SLCO3A1: variants seen among roughly 807,000 people sequenced by gnomAD.
The protein encoded by SLCO3A1 is PGE1 transporter.
SLCO3A1 carries 27 observed loss-of-function variants against 63.1 expected under a neutral mutation model. That is an observed-to-expected ratio of 0.43 (90% CI 0.32 to 0.59). SLCO3A1 has a LOEUF of 0.59. Ranked by LOEUF, SLCO3A1 falls within the 20% of genes least tolerant of loss-of-function variation. The probability of loss-of-function intolerance (pLI) is 0.09; values close to 1 mark genes in which losing one functional copy is unlikely to be tolerated. For synonymous variants in SLCO3A1, 473 were observed against 409.9 expected (o/e 1.15, Z -1.86); for missense variants, 773 against 945.8 (o/e 0.82, Z 2.40).
rs144814664 is a variant in SLCO3A1 at position 92,159,491 on chromosome 15, A to G, written c.1754-3265A>G. Among the ~76,000 whole-genome samples, 994 of 152,176 alleles carry G rather than the reference A, an allele frequency of 6.5e-3. 17 individuals are homozygous for G. Among genetic ancestry groups the G allele is most frequent in the African/African-American group, 0.023 (954 of 41,484 alleles). The stretch of plus-strand genomic sequence containing the variant: ...AGAACGAAACTCTGTCTCAAAAAAA[A>G]AAAAAATTTATTTCATCTCTACCAC... On this transcript the variant is annotated intron_variant, in intron 9 of 9. Coordinates refer to ENST00000318445, the MANE Select transcript of SLCO3A1 (RefSeq NM_013272.4).
chr15:92,048,249 G>A (rs762185834), intron 2 of SLCO3A1, among the ~76,000 whole-genome samples: 11 of 152,018 alleles, frequency 7.2e-5, no homozygotes, highest in Non-Finnish European at 1.2e-4. Context: ...TCAGTCCAGG[G>A]ACCTGGCACC....
intron 9 of SLCO3A1, among the ~76,000 whole-genome samples, chr15:92,159,034 A>T (rs557623550): frequency 1.3e-5 from 2 of 152,316 alleles, no homozygotes; most frequent in East Asian, 3.9e-4. Flanking sequence ...TTGCATGGCA[A>T]GATCAGACCC....
intron 2 of SLCO3A1, among the ~76,000 whole-genome samples, chr15:91,969,205 T>G (rs1900768597): frequency 6.6e-6 from 1 of 152,154 alleles, no homozygotes; most frequent in Non-Finnish European, 1.5e-5. Flanking sequence ...AATAAATCAT[T>G]TTTTGGGGTA....
rs150938265 is a variant in SLCO3A1, at chr15:92,115,250, C to T, written c.1010-5215C>T. 6.6e-5 allele frequency among the ~76,000 whole-genome samples: 10 copies of T among 152,240 alleles called. No individual in the cohort carries two copies. In the South Asian group the frequency reaches 1.2e-3, roughly 19 times the overall value. ...TCCTGACCTGGCCTGCTGCCTGGCCCTCTGGAGGTAGGAGCTCTTCTTGAC... is the reference window on the plus strand; with the variant it reads ...TCCTGACCTGGCCTGCTGCCTGGCCTTCTGGAGGTAGGAGCTCTTCTTGAC... On this transcript the variant is annotated intron_variant, in intron 4 of 9. Transcript: ENST00000318445.
rs2048460155 is a variant in SLCO3A1 at position 92,163,042 on chromosome 15, G to A, written c.2040G>A (p.Arg680=). 6.3e-7 allele frequency: 1 copy of A among 1,592,500 alleles called. No homozygotes were observed. Among genetic ancestry groups the A allele is most frequent in the Non-Finnish European group, 8.6e-7 (1 of 1,169,138 alleles). ...CTCTGACCCTAGACAACCTGGGGAG[G>A]GACCCTGTGCCCGCAAACCAGACAC... ...ASTLTLDNLG[R]DPVPANQTHR... Residue 680 remains arginine (R), a synonymous_variant, in exon 10 of 10, where the codon AGG becomes AGA. Coordinates refer to ENST00000318445, the MANE Select transcript of SLCO3A1 (RefSeq NM_013272.4).
intron 2 of SLCO3A1, among the ~76,000 whole-genome samples, chr15:92,035,108 C>T (rs2046708376): frequency 6.6e-6 from 1 of 151,788 alleles, no homozygotes; most frequent in Non-Finnish European, 1.5e-5. Context: ...TGGGTAGTTA[C>T]TCCAGTGGCC....
At chr15:92,110,435 GT>G (rs1195188392) in intron 4 of SLCO3A1, among the ~76,000 whole-genome samples, 5 of 152,082 alleles carry the variant, frequency 3.3e-5, no homozygotes, top group African/African-American at 1.2e-4. Context: ...TGGTCTCTGA[GT>G]CCCTCCAAAC....
intron 4 of SLCO3A1, among the ~76,000 whole-genome samples, chr15:92,119,546 C>T (rs1555434114): frequency 6.6e-6 from 1 of 152,120 alleles, no homozygotes; most frequent in Non-Finnish European, 1.5e-5. Context: ...CAGCAAAGAT[C>T]TACAGGCAGA....
chr15:91,921,723 C>CTTTT (rs10708454), intron 2 of SLCO3A1, among the ~76,000 whole-genome samples: 1 of 144,970 alleles, frequency 6.9e-6, no homozygotes. Context: ...TCAGATTTCT[C>CTTTT]TTTTTTTTTT....
intron 2 of SLCO3A1, among the ~76,000 whole-genome samples, chr15:91,976,312 C>T (rs1002492308): frequency 7.2e-5 from 11 of 152,136 alleles, no homozygotes; most frequent in African/African-American, 2.7e-4. Flanking sequence ...AATGACACTT[C>T]AGATATTTTG....
chr15:92,007,842 G>A (rs763619941), intron 2 of SLCO3A1, among the ~76,000 whole-genome samples: 7 of 152,120 alleles, frequency 4.6e-5, no homozygotes, highest in Non-Finnish European at 8.8e-5. Flanking sequence ...AAGGAAGAGC[G>A]ATCCAAGCTC....
rs542125497 is a variant in SLCO3A1 at position 92,015,079 on chromosome 15, ATTTC to A, written c.647-79800_647-79797del. On this transcript the variant is annotated intron_variant, in intron 2 of 9. Transcript: ENST00000318445. Reference sequence around the variant, plus strand: ...AATACTGGGAAGCAGGGGCACCACCATTTCTAGTTTCAGGTGGGAGAGCTCTTTG... The same window carrying A: ...AATACTGGGAAGCAGGGGCACCACCATAGTTTCAGGTGGGAGAGCTCTTTG... Among the ~76,000 whole-genome samples the A allele has an allele frequency of 2.9e-3, 448 of 152,286 alleles. 1 individual carries two copies. The highest frequency in any genetic ancestry group is 5.0e-3 in the Non-Finnish European group (338 of 68,012).
chr15:91,989,693 G>A (rs72755622), intron 2 of SLCO3A1, among the ~76,000 whole-genome samples: 5,768 of 152,232 alleles, frequency 0.038, 173 homozygotes, highest in Non-Finnish European at 0.052. Flanking sequence ...TAATCATTTC[G>A]TGGAAGAACC....
chr15:92,147,252 T>C, intron 8 of SLCO3A1, 93 bp downstream of exon 8: 1 of 1,315,420 alleles, frequency 7.6e-7, no homozygotes, highest in Non-Finnish European at 1.0e-6. Context: ...AACAGGAATC[T>C]CTCGAACCAG....
chr15:92,001,120 A>C (rs2046249572), intron 2 of SLCO3A1, among the ~76,000 whole-genome samples: 1 of 151,878 alleles, frequency 6.6e-6, no homozygotes, highest in South Asian at 2.1e-4. Flanking sequence ...TGCCTAATCA[A>C]AAAAGAAAAA....
chr15:91,889,116 G>A (rs1897804870), intron 1 of SLCO3A1: 2 of 1,252,510 alleles, frequency 1.6e-6, no homozygotes, highest in Non-Finnish European at 2.1e-6. Flanking sequence ...ATATATTCCA[G>A]CTAAGTGGAC....
chr15:91,996,316 C>T (rs1313041882), intron 2 of SLCO3A1, among the ~76,000 whole-genome samples: 1 of 152,018 alleles, frequency 6.6e-6, no homozygotes, highest in African/African-American at 2.4e-5. Flanking sequence ...GAATATTATA[C>T]AGCTCTATTG....
chr15:92,048,784 G>A (rs577299441), intron 2 of SLCO3A1, among the ~76,000 whole-genome samples: 1 of 152,168 alleles, frequency 6.6e-6, no homozygotes, highest in Admixed American at 6.5e-5. Context: ...TGTAATCCCA[G>A]CTCCTCGGGA....
chr15:92,141,565 G>A (rs2048132372), intron 7 of SLCO3A1, among the ~76,000 whole-genome samples: 1 of 152,142 alleles, frequency 6.6e-6, no homozygotes. Context: ...CAAAGCATTT[G>A]CAGATCTAGG....
Sources: allele counts gnomAD v4.1 joint callset (sites outside exome capture counted in the v4.1 genomes callset), GRCh38; gene constraint gnomAD v4.1.1; transcripts MANE v1.5; gene names NCBI Gene and HGNC (gene_info 2026-07-23, HGNC 2026-07-21).